Variants in KIF27 observed in about 807,000 individuals in gnomAD.
KIF27 encodes the protein kinesin-like protein KIF27.
Under a neutral mutation model 141.8 loss-of-function variants are expected in KIF27, and 84 were observed. That is an observed-to-expected ratio of 0.59 (90% CI 0.50 to 0.71). The LOEUF is 0.71. Among genes scored for constraint, KIF27 ranks in the 30% least tolerant of loss-of-function variants. KIF27 has a pLI of 0.00. For missense variants in KIF27, 1,306 were observed against 1,628.4 expected (o/e 0.80, Z 3.41); for synonymous variants, 471 against 569.5 (o/e 0.83, Z 2.46).
At chr9:83,876,324 A>G (rs541569474) in intron 11 of KIF27, among the ~76,000 whole-genome samples, 12 of 152,338 alleles carry the variant, frequency 7.9e-5, no homozygotes, top group Admixed American at 7.2e-4. Flanking sequence ...TTATAATAGC[A>G]TCTAAAAGAA....
Position 83,835,172 on chromosome 9 carries a change from C to T in KIF27, c.*1829G>A, listed in dbSNP as rs1004787132. Among the ~76,000 whole-genome samples the T allele has an allele frequency of 6.7e-6, 1 of 148,780 alleles. No homozygotes were observed. Among genetic ancestry groups the T allele is most frequent in the Admixed American group, 6.7e-5 (1 of 14,840 alleles). On this transcript the variant is annotated 3_prime_UTR_variant, in exon 18 of 18. Coordinates refer to ENST00000297814, the MANE Select transcript of KIF27 (RefSeq NM_017576.4). Reference sequence around the variant, plus strand: ...ACTTGTATATGTACAAGTGTATATACATATATATATATGAAATATATATAA... The same window carrying T: ...ACTTGTATATGTACAAGTGTATATATATATATATATATGAAATATATATAA...
intron 1 of KIF27, among the ~76,000 whole-genome samples, chr9:83,920,470 C>A (rs1296155467): frequency 6.6e-6 from 1 of 152,112 alleles, no homozygotes; most frequent in Non-Finnish European, 1.5e-5. Flanking sequence ...ATATTGAATC[C>A]CTCATGTCAT....
intron 2 of KIF27, among the ~76,000 whole-genome samples, chr9:83,913,301 G>T (rs1434373803): frequency 4.6e-5 from 7 of 152,204 alleles, no homozygotes; most frequent in African/African-American, 1.4e-4. Context: ...CACTGCAGAT[G>T]CTCAATAAAT....
chr9:83,861,328 C>T (rs933510191), intron 13 of KIF27, among the ~76,000 whole-genome samples: 7 of 152,008 alleles, frequency 4.6e-5, no homozygotes, highest in Admixed American at 2.6e-4. Flanking sequence ...ATCCCTCCCC[C>T]CTTCCCCCAC....
At chr9:83,883,466 G>T (rs1260269020) in intron 10 of KIF27, among the ~76,000 whole-genome samples, 2 of 152,172 alleles carry the variant, frequency 1.3e-5, no homozygotes, top group Non-Finnish European at 2.9e-5. Flanking sequence ...GTTCCCATTT[G>T]TTGAGTGTCT....
chr9:83,883,683 A>G, intron 10 of KIF27, 130 bp downstream of exon 10: 2 of 629,732 alleles, frequency 3.2e-6, no homozygotes, highest in Non-Finnish European at 5.5e-6. Flanking sequence ...AGCACACTAC[A>G]AAAGAAAAGT....
At chr9:83,897,107 T>A (rs1308204583) in intron 5 of KIF27, among the ~76,000 whole-genome samples, 1 of 152,092 alleles carries the variant, frequency 6.6e-6, no homozygotes, top group African/African-American at 2.4e-5. Context: ...AAAGTAATTA[T>A]TTTAAAAATT....
intron 5 of KIF27, among the ~76,000 whole-genome samples, chr9:83,896,480 GA>G (rs1388115617): frequency 1.4e-5 from 2 of 142,976 alleles, no homozygotes; most frequent in Middle Eastern, 3.5e-3. Context: ...TATAGTGACA[GA>G]AAAAAAATCA....
At chr9:83,914,996 G>C (rs1361642396) in intron 2 of KIF27, among the ~76,000 whole-genome samples, 5 of 152,148 alleles carry the variant, frequency 3.3e-5, no homozygotes, top group Non-Finnish European at 1.5e-5. Flanking sequence ...ATCTAATCAT[G>C]TTAACTCATT....
At position 83,870,710 on chromosome 9, in the gene KIF27, T is replaced by C. The variant is rs1193333523; in HGVS notation, c.2644-78A>G. ...GTATGCTGATGACAATTATTTTCTT[T>C]TTTTTTTTTTTTTTTTTGGAGACAA... On this transcript the variant is annotated intron_variant, in intron 11 of 17. Coordinates refer to ENST00000297814, the MANE Select transcript of KIF27 (RefSeq NM_017576.4). 4.9e-3 allele frequency: 4,445 copies of C among 899,600 alleles called. 55 individuals carry two copies. The African/African-American group carries it at 0.067, about 14-fold the overall frequency. The allele number at this position is 899,600 out of a possible 1,614,324, so 55.7% of individuals were successfully genotyped here.
rs542005360 is a variant in KIF27, at chr9:83,911,686, C to T, written c.299-3034G>A. Among the ~76,000 whole-genome samples the T allele has an allele frequency of 1.3e-4, 20 of 152,090 alleles. No individual in the cohort carries two copies. In the East Asian group the frequency reaches 3.3e-3, roughly 25 times the overall value. ...AGCCTCCAGTAGCTGGGATTACAGG[C>T]GCACACCACCACGTCTGACTGGTTT... is the stretch of plus-strand genomic sequence containing the variant. On this transcript the variant is annotated intron_variant, in intron 2 of 17. Coordinates refer to ENST00000297814, the MANE Select transcript of KIF27 (RefSeq NM_017576.4).
At chr9:83,854,467 GA>G (rs1395829969) in intron 14 of KIF27, among the ~76,000 whole-genome samples, 3 of 152,168 alleles carry the variant, frequency 2.0e-5, no homozygotes, top group Non-Finnish European at 4.4e-5. Context: ...TTATTAGAAG[GA>G]AAATGTAGGT....
At chr9:83,886,464 T>C (rs1467727250) in intron 9 of KIF27, among the ~76,000 whole-genome samples, 2 of 152,166 alleles carry the variant, frequency 1.3e-5, no homozygotes, top group Non-Finnish European at 2.9e-5. Flanking sequence ...GCCCTCTCAC[T>C]GAAGACTTCT....
At chr9:83,901,291 A>ATT (rs1309398671) in intron 4 of KIF27, among the ~76,000 whole-genome samples, 1 of 152,212 alleles carries the variant, frequency 6.6e-6, no homozygotes, top group Non-Finnish European at 1.5e-5. Context: ...ATAGATCTTA[A>ATT]TGTAACAAGA....
chr9:83,907,691 T>C (rs1954702180), intron 3 of KIF27, among the ~76,000 whole-genome samples: 2 of 151,816 alleles, frequency 1.3e-5, no homozygotes, highest in South Asian at 4.1e-4. Context: ...CTCTCAACTT[T>C]AAAAAAAGAG....
chr9:83,845,841 G>A (rs1947204434), intron 16 of KIF27, among the ~76,000 whole-genome samples: 1 of 152,242 alleles, frequency 6.6e-6, no homozygotes, highest in African/African-American at 2.4e-5. Context: ...TTTTGGGGAA[G>A]AGGTATGTGG....
intron 3 of KIF27, 118 bp from the exon 4 acceptor site, chr9:83,904,136 C>T (rs1954244354): frequency 1.2e-5 from 8 of 646,844 alleles, no homozygotes; most frequent in Non-Finnish European, 1.8e-5. Flanking sequence ...AAGTCAACAG[C>T]ATTTCAGATA....
chr9:83,899,853 A>C (rs760861882), intron 4 of KIF27, 49 bp from the exon 5 acceptor site: 1 of 1,532,266 alleles, frequency 6.5e-7, no homozygotes, highest in Non-Finnish European at 8.9e-7. Context: ...AAAATAATCA[A>C]GAAACCCCAT....
chr9:83,905,212 G>A (rs1024516586), intron 3 of KIF27, among the ~76,000 whole-genome samples: 5 of 151,576 alleles, frequency 3.3e-5, no homozygotes, highest in African/African-American at 4.9e-5. Context: ...TCCGCCTCCC[G>A]GGTTCACACC....
Sources: gnomAD v4.1 joint callset for allele counts (sites outside exome capture counted in the v4.1 genomes callset) on GRCh38, gnomAD v4.1.1 for gene constraint, MANE v1.5 for transcripts, NCBI Gene and HGNC (gene_info 2026-07-23, HGNC 2026-07-21) for gene names.